The following PTPRD variants were observed in gnomAD, a reference collection of about 807,000 sequenced individuals.
PTPRD encodes the protein protein tyrosine phosphatase receptor type D.
PTPRD carries 34 observed loss-of-function variants against 214.5 expected under a neutral mutation model. The observed-to-expected ratio is 0.16, with a 90% CI of 0.12 to 0.21. PTPRD has a LOEUF of 0.21. Ranked by LOEUF, PTPRD falls within the 10% of genes least tolerant of loss-of-function variation. The pLI is 1.00. For synonymous variants in PTPRD, 1,128 were observed against 845.7 expected (o/e 1.33, Z -5.79); for missense variants, 2,545 against 2,398.7 (o/e 1.06, Z -1.27).
chr9:9,138,746 T>C (rs1443965529), intron 10 of PTPRD, among the ~76,000 whole-genome samples: 1 of 152,172 alleles, frequency 6.6e-6, no homozygotes, highest in Non-Finnish European at 1.5e-5. Flanking sequence ...AGTTCTGTAT[T>C]TTAACACAGA....
At chr9:9,510,839 A>AT (rs2096686832) in intron 8 of PTPRD, among the ~76,000 whole-genome samples, 1 of 151,690 alleles carries the variant, frequency 6.6e-6, no homozygotes, top group Admixed American at 6.6e-5. Context: ...ATGCCTTAAA[A>AT]TTTTTACTCA....
chr9:8,695,730 T>C (rs1259426927), intron 12 of PTPRD, among the ~76,000 whole-genome samples: 2 of 152,232 alleles, frequency 1.3e-5, no homozygotes, highest in Non-Finnish European at 2.9e-5. Context: ...ATTAATAAAC[T>C]GATCTATGAT....
At chr9:9,936,565 T>A (rs1211647630) in intron 5 of PTPRD, among the ~76,000 whole-genome samples, 3 of 138,550 alleles carry the variant, frequency 2.2e-5, no homozygotes, top group Non-Finnish European at 4.5e-5. Flanking sequence ...CATTAAAAAG[T>A]CAGTAAACAA....
At chr9:9,886,865 C>G (rs578195323) in intron 5 of PTPRD, among the ~76,000 whole-genome samples, 1 of 152,140 alleles carries the variant, frequency 6.6e-6, no homozygotes, top group East Asian at 1.9e-4. Flanking sequence ...CATGGGAAAG[C>G]CTTTAGACTA....
chr9:9,222,788 T>C (rs968089034), intron 9 of PTPRD, among the ~76,000 whole-genome samples: 1 of 152,000 alleles, frequency 6.6e-6, no homozygotes, highest in Non-Finnish European at 1.5e-5. Context: ...AGTGACATAT[T>C]CCCCATGTAA....
chr9:9,261,647 C>CGT (rs5896314), intron 9 of PTPRD, among the ~76,000 whole-genome samples: 25,255 of 148,010 alleles, frequency 0.17, 2,265 homozygotes, highest in African/African-American at 0.25. Context: ...TGTGCATGCA[C>CGT]GTGTGTGTGT....
At chr9:9,648,234 C>T (rs574958297) in intron 7 of PTPRD, among the ~76,000 whole-genome samples, 3 of 151,706 alleles carry the variant, frequency 2.0e-5, no homozygotes, top group Non-Finnish European at 2.9e-5. Flanking sequence ...AAAAAAAACA[C>T]TAAAGTGTAT....
chr9:9,035,896 T>C (rs1013318258), intron 10 of PTPRD, among the ~76,000 whole-genome samples: 6 of 152,134 alleles, frequency 3.9e-5, no homozygotes, highest in Non-Finnish European at 7.4e-5. Context: ...GAGAAACATA[T>C]TGAAACATAT....
chr9:8,529,217 T>G (rs939775177), intron 14 of PTPRD, among the ~76,000 whole-genome samples: 1 of 152,024 alleles, frequency 6.6e-6, no homozygotes, highest in African/African-American at 2.4e-5. Context: ...AGGAAAGGTT[T>G]TGCCGAGAGA....
At chr9:9,769,101 A>G (rs2098730275) in intron 5 of PTPRD, among the ~76,000 whole-genome samples, 1 of 152,170 alleles carries the variant, frequency 6.6e-6, no homozygotes, top group African/African-American at 2.4e-5. Context: ...ATAAGACTTC[A>G]GAAGACAAAA....
At chr9:9,777,152 A>C (rs555662161) in intron 5 of PTPRD, among the ~76,000 whole-genome samples, 1 of 152,236 alleles carries the variant, frequency 6.6e-6, no homozygotes, top group African/African-American at 2.4e-5. Flanking sequence ...AATTAGAAAC[A>C]CTCTTACCTC....
At chr9:9,665,130 G>A (rs1021228801) in intron 7 of PTPRD, among the ~76,000 whole-genome samples, 1 of 151,620 alleles carries the variant, frequency 6.6e-6, no homozygotes, top group Non-Finnish European at 1.5e-5. Context: ...TGGGGAGAGA[G>A]AGAGGGGTGA....
chr9:9,260,532 C>A (rs997679378), intron 9 of PTPRD, among the ~76,000 whole-genome samples: 1 of 151,952 alleles, frequency 6.6e-6, no homozygotes, highest in East Asian at 2.0e-4. Flanking sequence ...TCTCCTCCTT[C>A]CTATCACCTT....
rs140336735 is a variant in PTPRD, at chr9:10,225,004, G to C, written c.-545+115959C>G. On this transcript the variant is annotated intron_variant, in intron 3 of 45. Transcript: ENST00000381196. ...TTCAGTCAAAAGTAGGCTGTTAATAGTTAAGCTTTTGGGGAGCCAAAAGTT... is the reference window on the plus strand; with the variant it reads ...TTCAGTCAAAAGTAGGCTGTTAATACTTAAGCTTTTGGGGAGCCAAAAGTT... Among the ~76,000 whole-genome samples the C allele has an allele frequency of 1.4e-3, 219 of 152,146 alleles. 2 individuals are homozygous for C. Among genetic ancestry groups the C allele is most frequent in the African/African-American group, 4.9e-3 (202 of 41,542 alleles).
intron 8 of PTPRD, among the ~76,000 whole-genome samples, chr9:9,550,645 C>G (rs1047961527): frequency 6.6e-6 from 1 of 151,122 alleles, no homozygotes; most frequent in African/African-American, 2.4e-5. Context: ...AACTTTTGCT[C>G]TGTAAAACCC....
At chr9:10,189,161 C>G (rs1388197418) in intron 3 of PTPRD, among the ~76,000 whole-genome samples, 1 of 152,070 alleles carries the variant, frequency 6.6e-6, no homozygotes, top group Non-Finnish European at 1.5e-5. Flanking sequence ...TTGGACTGGT[C>G]GCCCTGGAGT....
intron 9 of PTPRD, among the ~76,000 whole-genome samples, chr9:9,207,250 A>G (rs563793372): frequency 1.2e-4 from 18 of 152,304 alleles, no homozygotes; most frequent in African/African-American, 4.3e-4. Context: ...TTTCATTTTG[A>G]ACTTTTAATT....
intron 9 of PTPRD, among the ~76,000 whole-genome samples, chr9:9,384,248 G>A (rs1386532320): frequency 6.8e-6 from 1 of 147,178 alleles, no homozygotes; most frequent in African/African-American, 2.5e-5. Context: ...TTGGATTTTC[G>A]GTGTACCATG....
chr9:10,610,230 T>A (rs749983200), intron 2 of PTPRD, among the ~76,000 whole-genome samples: 6 of 152,144 alleles, frequency 3.9e-5, no homozygotes, highest in Admixed American at 6.5e-5. Context: ...GAGACAGGGA[T>A]CAAATGCATG....
Sources: gnomAD v4.1 joint callset for allele counts (sites outside exome capture counted in the v4.1 genomes callset) on GRCh38, gnomAD v4.1.1 for gene constraint, MANE v1.5 for transcripts, NCBI Gene and HGNC (gene_info 2026-07-23, HGNC 2026-07-21) for gene names.